The following EPHA3 variants were observed in gnomAD, a reference collection of about 807,000 sequenced individuals.
The protein encoded by EPHA3 is ephrin type-A receptor 3.
In EPHA3, 42 loss-of-function variants were observed where a neutral mutation model predicts 107.1. The observed-to-expected ratio is 0.39, with a 90% CI of 0.31 to 0.51. The LOEUF (loss-of-function observed/expected upper bound fraction) is 0.51. Ranked by LOEUF, EPHA3 falls within the 20% of genes least tolerant of loss-of-function variation. The pLI, the probability that EPHA3 is intolerant of heterozygous loss-of-function variation, is 0.78. For synonymous variants in EPHA3, 461 were observed against 424.8 expected (o/e 1.09, Z -1.05); for missense variants, 1,183 against 1,211.2 (o/e 0.98, Z 0.35).
chr3:89,213,598 A>T (rs1704157365), intron 3 of EPHA3, among the ~76,000 whole-genome samples: 1 of 152,008 alleles, frequency 6.6e-6, no homozygotes, highest in African/African-American at 2.4e-5. Flanking sequence ...AGGAATAACA[A>T]ATATTTTTAC....
chr3:89,427,020 C>T (rs1230164412), intron 11 of EPHA3, among the ~76,000 whole-genome samples: 2 of 151,610 alleles, frequency 1.3e-5, no homozygotes, highest in South Asian at 2.1e-4. Context: ...ATTGTTTAAT[C>T]AAAGTTTAGT....
At chr3:89,380,669 CTA>C (rs555681809) in intron 5 of EPHA3, among the ~76,000 whole-genome samples, 5 of 151,816 alleles carry the variant, frequency 3.3e-5, no homozygotes. Context: ...TGTAAGCTGA[CTA>C]AAATCAGAGG....
At chr3:89,471,501 T>C (rs1443179284) in intron 15 of EPHA3, among the ~76,000 whole-genome samples, 1 of 152,146 alleles carries the variant, frequency 6.6e-6, no homozygotes, top group East Asian at 1.9e-4. Context: ...CCCGAGTAGC[T>C]GGGATTACAG....
intron 3 of EPHA3, among the ~76,000 whole-genome samples, chr3:89,298,875 TTA>T (rs1347669686): frequency 1.3e-5 from 2 of 152,068 alleles, no homozygotes; most frequent in African/African-American, 4.8e-5. Context: ...TTATTGATAA[TTA>T]TATGTTTAGA....
chr3:89,192,719 TA>T (rs1354036456), intron 2 of EPHA3, among the ~76,000 whole-genome samples: 1 of 152,070 alleles, frequency 6.6e-6, no homozygotes, highest in Non-Finnish European at 1.5e-5. Flanking sequence ...TAGAGGATCC[TA>T]ATACAGAGAA....
chr3:89,229,444 T>C (rs972760008), intron 3 of EPHA3, among the ~76,000 whole-genome samples: 4 of 151,842 alleles, frequency 2.6e-5, no homozygotes, highest in Admixed American at 2.6e-4. Context: ...TGCATAAAAA[T>C]AAGTTATATC....
chr3:89,138,299 T>C (rs1704358004), intron 2 of EPHA3, among the ~76,000 whole-genome samples: 4 of 151,998 alleles, frequency 2.6e-5, no homozygotes. Context: ...ATTTATCTCA[T>C]GTATTCTTGG....
At chr3:89,333,701 C>T (rs1707337811) in intron 3 of EPHA3, among the ~76,000 whole-genome samples, 1 of 151,914 alleles carries the variant, frequency 6.6e-6, no homozygotes, top group Non-Finnish European at 1.5e-5. Context: ...GGTGAAACCC[C>T]ATCTTTACTA....
chr3:89,136,248 G>A (rs1221545364), intron 2 of EPHA3, among the ~76,000 whole-genome samples: 2 of 143,500 alleles, frequency 1.4e-5, no homozygotes, highest in African/African-American at 2.6e-5. Context: ...TCTATTTTAA[G>A]TATGTCACTT....
At chr3:89,230,288 GT>G (rs1417081348) in intron 3 of EPHA3, among the ~76,000 whole-genome samples, 1 of 152,120 alleles carries the variant, frequency 6.6e-6, no homozygotes, top group Non-Finnish European at 1.5e-5. Flanking sequence ...GATAGGAGGA[GT>G]TTTTGCCTAG....
At chr3:89,441,111 T>A (rs1429657534) in intron 13 of EPHA3, among the ~76,000 whole-genome samples, 5 of 152,190 alleles carry the variant, frequency 3.3e-5, no homozygotes, top group Admixed American at 3.3e-4. Flanking sequence ...TGGCTAAAAT[T>A]AAACAGGAAG....
At chr3:89,397,638 C>G (rs1412550889) in intron 6 of EPHA3, among the ~76,000 whole-genome samples, 1 of 144,316 alleles carries the variant, frequency 6.9e-6, no homozygotes, top group Non-Finnish European at 1.5e-5. Flanking sequence ...GGCTGGAGTG[C>G]AATGGCATGA....
intron 14 of EPHA3, among the ~76,000 whole-genome samples, chr3:89,449,888 AC>A (rs1709952873): frequency 6.6e-6 from 1 of 152,152 alleles, no homozygotes; most frequent in South Asian, 2.1e-4. Context: ...TCTTTATAAC[AC>A]CAAATTTGCT....
intron 6 of EPHA3, among the ~76,000 whole-genome samples, chr3:89,398,527 A>G (rs1184139408): frequency 6.6e-6 from 1 of 152,204 alleles, no homozygotes; most frequent in Non-Finnish European, 1.5e-5. Flanking sequence ...GTTAAGCTAA[A>G]AATAATGTAG....
intron 1 of EPHA3, among the ~76,000 whole-genome samples, chr3:89,114,759 A>C (rs553856468): frequency 6.6e-6 from 1 of 152,310 alleles, no homozygotes; most frequent in African/African-American, 2.4e-5. Context: ...AGCGCGCGAG[A>C]GGCAAACGTG....
At chr3:89,349,911 A>G (rs1176403088) in intron 5 of EPHA3, among the ~76,000 whole-genome samples, 1 of 147,358 alleles carries the variant, frequency 6.8e-6, no homozygotes, top group East Asian at 2.0e-4. Flanking sequence ...TCTGGGTTGA[A>G]AATTCTTTTC....
At chr3:89,455,232 G>A (rs1710072695) in intron 15 of EPHA3, among the ~76,000 whole-genome samples, 2 of 152,124 alleles carry the variant, frequency 1.3e-5, no homozygotes, top group Admixed American at 6.6e-5. Context: ...CGTGATGGGC[G>A]ATAAAGGAAT....
At chr3:89,468,771 G>A (rs1364127002) in intron 15 of EPHA3, among the ~76,000 whole-genome samples, 1 of 152,114 alleles carries the variant, frequency 6.6e-6, no homozygotes, top group Non-Finnish European at 1.5e-5. Flanking sequence ...AATGTCTAAT[G>A]CTTGCTAGTG....
At position 89,374,913 on chromosome 3, in the gene EPHA3, A is replaced by G. The variant is rs1387395175; in HGVS notation, c.1307-20924A>G. Among the ~76,000 whole-genome samples the G allele has an allele frequency of 2.6e-5, 4 of 151,856 alleles. No individual in the cohort carries two copies. In the East Asian group the frequency reaches 5.8e-4, roughly 22 times the overall value. On this transcript the variant is annotated intron_variant, in intron 5 of 16. Coordinates refer to ENST00000336596, the MANE Select transcript of EPHA3 (RefSeq NM_005233.6). ...AAAAGTAATGCCACTAAACCTCTATATAACACCACAAACTATCCTTCATTC... is the reference window on the plus strand; with the variant it reads ...AAAAGTAATGCCACTAAACCTCTATGTAACACCACAAACTATCCTTCATTC...
Sources: gnomAD v4.1 joint callset for allele counts (sites outside exome capture counted in the v4.1 genomes callset) on GRCh38, gnomAD v4.1.1 for gene constraint, MANE v1.5 for transcripts, NCBI Gene and HGNC (gene_info 2026-07-23, HGNC 2026-07-21) for gene names.